Variants in CCDC3 observed in about 807,000 individuals in gnomAD.
CCDC3 encodes coiled-coil domain-containing protein 3.
A neutral mutation model predicts 21.4 loss-of-function variants in CCDC3; 24 were observed. The observed-to-expected ratio is 1.12, with a 90% CI of 0.81 to 1.58. CCDC3 has a LOEUF of 1.58. Among genes scored for constraint, CCDC3 ranks in the 40% most tolerant of loss-of-function variants. The pLI is 0.00. For missense variants in CCDC3, 425 were observed against 360.9 expected (o/e 1.18, Z -1.44); for synonymous variants, 186 against 166.0 (o/e 1.12, Z -0.93).
At chr10:12,983,128 GTGTATATATATATATATATA>G (rs150374597) in intron 2 of CCDC3, among the ~76,000 whole-genome samples, 31,963 of 117,850 alleles carry the variant, frequency 0.27, 5,273 homozygotes, top group Admixed American at 0.33. Flanking sequence ...AAATAAAATA[GTGTATATATATATATATATA>G]TATATATATA....
intron 5 of CCDC3, among the ~76,000 whole-genome samples, chr10:13,026,491 T>A (rs770083634): frequency 4.6e-5 from 7 of 152,236 alleles, no homozygotes; most frequent in African/African-American, 7.2e-5. Context: ...TCTTAAGCTT[T>A]AAGTGAAAGT....
At position 13,065,705 on chromosome 10, in the gene CCDC3, G is replaced by A. The variant is rs75329348; in HGVS notation, c.-270+8163C>T. Among the ~76,000 whole-genome samples, 873 of 152,188 alleles carry A rather than the reference G, an allele frequency of 5.7e-3. 5 individuals carry two copies. Among genetic ancestry groups the A allele is most frequent in the Middle Eastern group, 0.017 (5 of 294 alleles). The stretch of plus-strand genomic sequence containing the variant: ...TCCATTCCTGCCCACTTGAACCCAC[G>A]TTGACACAACTTCCTTCTAAATCCC... On this transcript the variant is annotated intron_variant, in intron 4 of 6. Transcript: ENST00000378839.
intron 2 of CCDC3, among the ~76,000 whole-genome samples, chr10:12,992,086 A>G (rs117341878): frequency 0.014 from 2,093 of 151,786 alleles, 35 homozygotes; most frequent in South Asian, 0.062. Context: ...AAAAAGAAAG[A>G]AAAAACAAAA....
At chr10:12,997,991 T>C (rs1039067094) in intron 2 of CCDC3, among the ~76,000 whole-genome samples, 2 of 152,194 alleles carry the variant, frequency 1.3e-5, no homozygotes, top group African/African-American at 4.8e-5. Flanking sequence ...ACATTCAAAC[T>C]GTCCTGGGCT....
intron 2 of CCDC3, among the ~76,000 whole-genome samples, chr10:12,950,969 T>C (rs1834998349): frequency 6.6e-6 from 1 of 152,190 alleles, no homozygotes; most frequent in African/African-American, 2.4e-5. Context: ...CTGTCTGGCC[T>C]TCCTCGATAA....
At chr10:12,965,771 G>C (rs909591883) in intron 2 of CCDC3, among the ~76,000 whole-genome samples, 1 of 152,154 alleles carries the variant, frequency 6.6e-6, no homozygotes. Context: ...CTGTCTATAA[G>C]GAGACATCAT....
Position 12,962,648 on chromosome 10 carries a change from C to T in CCDC3, c.549+35690G>A, listed in dbSNP as rs142731368. On this transcript the variant is annotated intron_variant, in intron 2 of 2. Coordinates refer to ENST00000378825, the MANE Select transcript of CCDC3 (RefSeq NM_031455.4). ...ATAAAATGGGCTGTTACATTTCGAACGGCTTACAACTGTCACTGTTACATT... is the reference window on the plus strand; with the variant it reads ...ATAAAATGGGCTGTTACATTTCGAATGGCTTACAACTGTCACTGTTACATT... Among the ~76,000 whole-genome samples the T allele has an allele frequency of 5.9e-5, 9 of 152,192 alleles. 1 individual carries two copies. In the South Asian group the frequency reaches 1.7e-3, roughly 28 times the overall value.
chr10:13,056,743 A>G (rs982081666), intron 4 of CCDC3, among the ~76,000 whole-genome samples: 1 of 152,240 alleles, frequency 6.6e-6, no homozygotes, highest in Non-Finnish European at 1.5e-5. Context: ...ATCAGAACTT[A>G]GTACTCTAGA....
intron 4 of CCDC3, among the ~76,000 whole-genome samples, chr10:13,056,723 G>A (rs993262556): frequency 6.6e-6 from 1 of 152,148 alleles, no homozygotes; most frequent in Non-Finnish European, 1.5e-5. Context: ...AGAGTAACCA[G>A]GTTAGAAGAA....
intron 2 of CCDC3, among the ~76,000 whole-genome samples, chr10:12,966,438 C>G (rs1835264047): frequency 6.6e-6 from 1 of 152,156 alleles, no homozygotes; most frequent in South Asian, 2.1e-4. Flanking sequence ...TCCCCAGACC[C>G]TCACACCCCT....
chr10:12,978,445 C>T (rs1396661848), intron 2 of CCDC3, among the ~76,000 whole-genome samples: 1 of 152,118 alleles, frequency 6.6e-6, no homozygotes, highest in Non-Finnish European at 1.5e-5. Context: ...TCGAATTATC[C>T]GATGGAATCG....
intron 2 of CCDC3, among the ~76,000 whole-genome samples, chr10:12,939,862 T>C (rs906453947): frequency 1.3e-5 from 2 of 152,186 alleles, no homozygotes; most frequent in South Asian, 2.1e-4. Context: ...CAGCCAATGA[T>C]TTAATAAAAA....
chr10:12,935,253 C>T (rs1834717893), intron 2 of CCDC3, among the ~76,000 whole-genome samples: 1 of 152,128 alleles, frequency 6.6e-6, no homozygotes, highest in South Asian at 2.1e-4. Flanking sequence ...GAATTTTGCT[C>T]TGTCACCCAG....
chr10:12,969,893 A>T (rs1404386308), intron 2 of CCDC3, among the ~76,000 whole-genome samples: 1 of 152,076 alleles, frequency 6.6e-6, no homozygotes, highest in African/African-American at 2.4e-5. Flanking sequence ...TTATATGTGG[A>T]GTATAAAAAA....
chr10:12,938,944 A>G (rs1834779288), intron 2 of CCDC3, among the ~76,000 whole-genome samples: 1 of 152,298 alleles, frequency 6.6e-6, no homozygotes, highest in Non-Finnish European at 1.5e-5. Context: ...CTTGTCTTTT[A>G]AATAAACACA....
intron 2 of CCDC3, among the ~76,000 whole-genome samples, chr10:12,927,303 TA>T (rs1298091458): frequency 2.0e-5 from 3 of 152,196 alleles, no homozygotes; most frequent in Non-Finnish European, 4.4e-5. Context: ...ATACCACCTG[TA>T]AATACTTTAG....
At chr10:12,932,108 G>C (rs1283547218) in intron 2 of CCDC3, among the ~76,000 whole-genome samples, 3 of 152,044 alleles carry the variant, frequency 2.0e-5, no homozygotes, top group African/African-American at 7.2e-5. Flanking sequence ...TCAGAGTTTT[G>C]TAGTTTTCCT....
intron 3 of CCDC3, among the ~76,000 whole-genome samples, chr10:13,093,315 C>G (rs911356360): frequency 2.0e-5 from 3 of 152,134 alleles, no homozygotes; most frequent in Admixed American, 6.5e-5. Flanking sequence ...AAAACCATCA[C>G]ATCTCGTGAG....
At chr10:13,007,112 A>G (rs1835933639) in intron 5 of CCDC3, among the ~76,000 whole-genome samples, 1 of 152,162 alleles carries the variant, frequency 6.6e-6, no homozygotes. Flanking sequence ...TTTTCTAGAA[A>G]GAGGAGAAAC....
Sources: allele counts gnomAD v4.1 joint callset (sites outside exome capture counted in the v4.1 genomes callset), GRCh38; gene constraint gnomAD v4.1.1; transcripts MANE v1.5; gene names NCBI Gene and HGNC (gene_info 2026-07-23, HGNC 2026-07-21).